CYP7B1: variants seen among roughly 807,000 people sequenced by gnomAD.
CYP7B1 encodes the protein cytochrome P450 family 7 subfamily B member 1.
In CYP7B1, 29 loss-of-function variants were observed where a neutral mutation model predicts 42.7. That is an observed-to-expected ratio of 0.68 (90% CI 0.51 to 0.93). The LOEUF is 0.93. CYP7B1 is among the 40% of genes least tolerant of loss of function. CYP7B1 has a pLI of 0.00. For missense variants in CYP7B1, 655 were observed against 600.5 expected (o/e 1.09, Z -0.95); for synonymous variants, 235 against 218.2 (o/e 1.08, Z -0.68).
chr8:64,620,758 G>A (rs963459379), intron 2 of CYP7B1, among the ~76,000 whole-genome samples: 2 of 152,200 alleles, frequency 1.3e-5, no homozygotes, highest in African/African-American at 4.8e-5. Context: ...TCAAATTCTA[G>A]TAAGAAGCAA....
rs903831888 is a variant in CYP7B1 at position 64,595,345 on chromosome 8, C to T, written c.*1297G>A. 2.6e-5 allele frequency among the ~76,000 whole-genome samples: 4 copies of T among 152,122 alleles called. No individual in the cohort carries two copies. Among genetic ancestry groups the T allele is most frequent in the African/African-American group, 9.7e-5 (4 of 41,432 alleles). ...TAATGTTATTTTTAAAGTCAGTTTC[C>T]TTTTCTCAAAACAGTAGCAGATTTC... is the stretch of plus-strand genomic sequence containing the variant. On this transcript the variant is annotated 3_prime_UTR_variant, in exon 6 of 6. Transcript: ENST00000310193.
At position 64,613,876 on chromosome 8, in the gene CYP7B1, G is replaced by A. The variant is rs970553462; in HGVS notation, c.1057+1150C>T. 5.3e-5 allele frequency among the ~76,000 whole-genome samples: 8 copies of A among 152,248 alleles called. No individual in the cohort carries two copies. In the South Asian group the frequency reaches 1.2e-3, roughly 24 times the overall value. On this transcript the variant is annotated intron_variant, in intron 4 of 5. Transcript: ENST00000310193. Reference sequence around the variant, plus strand: ...GGGCATTTTCCTCAATGGCCACTGAGGGTGAACATTGACCAAACCTGGGAG... The same window carrying A: ...GGGCATTTTCCTCAATGGCCACTGAAGGTGAACATTGACCAAACCTGGGAG...
intron 1 of CYP7B1, among the ~76,000 whole-genome samples, chr8:64,747,205 T>C (rs1450920554): frequency 7.0e-6 from 1 of 143,828 alleles, no homozygotes; most frequent in African/African-American, 2.7e-5. Context: ...TATATATTTA[T>C]ATATTAAATA....
intron 1 of CYP7B1, among the ~76,000 whole-genome samples, chr8:64,725,617 C>T (rs1253351234): frequency 1.3e-5 from 2 of 152,176 alleles, no homozygotes; most frequent in African/African-American, 2.4e-5. Context: ...CTCTCATATA[C>T]ACACATAACT....
At chr8:64,624,084 A>G (rs944769832) in intron 2 of CYP7B1, among the ~76,000 whole-genome samples, 1 of 152,148 alleles carries the variant, frequency 6.6e-6, no homozygotes, top group Non-Finnish European at 1.5e-5. Context: ...TTAATTTAAA[A>G]AATACATTCT....
intron 1 of CYP7B1, among the ~76,000 whole-genome samples, chr8:64,742,652 C>CA (rs1444360029): frequency 1.3e-5 from 2 of 152,132 alleles, no homozygotes; most frequent in Admixed American, 6.5e-5. Flanking sequence ...AAGGTGTCAA[C>CA]AGGGTTGACT....
intron 1 of CYP7B1, among the ~76,000 whole-genome samples, chr8:64,682,597 T>C (rs1415991763): frequency 6.6e-6 from 1 of 152,214 alleles, no homozygotes; most frequent in East Asian, 1.9e-4. Context: ...TGGCTGATGC[T>C]TCTCAGTTCC....
chr8:64,599,600 A>C (rs1303488744), intron 5 of CYP7B1, among the ~76,000 whole-genome samples: 1 of 152,186 alleles, frequency 6.6e-6, no homozygotes, highest in African/African-American at 2.4e-5. Context: ...AAGACACGGA[A>C]GTTCCTCACT....
intron 1 of CYP7B1, among the ~76,000 whole-genome samples, chr8:64,769,840 T>G (rs1005031483): frequency 1.3e-5 from 2 of 152,186 alleles, no homozygotes; most frequent in Admixed American, 6.5e-5. Context: ...CAAAAGTCTA[T>G]TCTTCCTGAA....
chr8:64,672,111 A>C (rs2129631711), intron 1 of CYP7B1, among the ~76,000 whole-genome samples: 1 of 152,256 alleles, frequency 6.6e-6, no homozygotes, highest in South Asian at 2.1e-4. Context: ...GCACTCAATA[A>C]ATTATTTTGA....
intron 4 of CYP7B1, among the ~76,000 whole-genome samples, chr8:64,609,968 A>T (rs893641549): frequency 5.3e-5 from 8 of 152,130 alleles, no homozygotes; most frequent in Non-Finnish European, 7.4e-5. Flanking sequence ...ATGCAATCAG[A>T]ATCTCTAAGG....
intron 1 of CYP7B1, among the ~76,000 whole-genome samples, chr8:64,686,929 A>G (rs2129632123): frequency 8.5e-6 from 1 of 117,476 alleles, no homozygotes; most frequent in African/African-American, 3.4e-5. Context: ...GCTTGAAGGC[A>G]GCATGCTCGT....
chr8:64,646,522 A>G (rs906992675), intron 1 of CYP7B1, among the ~76,000 whole-genome samples: 2 of 152,230 alleles, frequency 1.3e-5, no homozygotes, highest in African/African-American at 4.8e-5. Context: ...ATTAGCCCCT[A>G]AGAAGAGAAT....
intron 1 of CYP7B1, among the ~76,000 whole-genome samples, chr8:64,728,672 C>T (rs762761015): frequency 3.3e-5 from 5 of 152,086 alleles, no homozygotes; most frequent in Non-Finnish European, 7.3e-5. Context: ...ATGTTGGTTG[C>T]TATTATTGTG....
rs34797764 is a variant in CYP7B1, at chr8:64,668,725, C to CAA, written c.123-44188_123-44187dup. The stretch of plus-strand genomic sequence containing the variant: ...CTATTAAACTGAGAAGCATATTGAC[C>CAA]AAAAAAAAAAAAAAAGGTTAAAAAG... On this transcript the variant is annotated intron_variant, in intron 1 of 5. Transcript: ENST00000310193. 2.5e-3 allele frequency among the ~76,000 whole-genome samples: 215 copies of CAA among 86,720 alleles called. 1 individual carries two copies. The highest frequency in any genetic ancestry group is 7.5e-3 in the Middle Eastern group (1 of 134). The allele number at this position is 86,720 out of a possible 152,430, so 56.9% of individuals were successfully genotyped here.
intron 1 of CYP7B1, among the ~76,000 whole-genome samples, chr8:64,710,844 AC>A (rs1365980208): frequency 6.6e-6 from 1 of 151,052 alleles, no homozygotes; most frequent in Non-Finnish European, 1.5e-5. Flanking sequence ...AAAAATAAAT[AC>A]CTTTCAAACT....
In CYP7B1 at chr8:64,744,198, T is replaced by A. The variant is rs543165950; in HGVS notation, c.122+54268A>T. On this transcript the variant is annotated intron_variant, in intron 1 of 5. Transcript: ENST00000310193. ...TGAGTGTTAGAAGAATGAAATATTGTCTGTTTATTAATTTTCTGCATAAAA... is the reference window on the plus strand; with the variant it reads ...TGAGTGTTAGAAGAATGAAATATTGACTGTTTATTAATTTTCTGCATAAAA... Among the ~76,000 whole-genome samples, 17 of 152,282 alleles carry A rather than the reference T, an allele frequency of 1.1e-4. No individual in the cohort carries two copies. In the South Asian group the frequency reaches 3.3e-3, roughly 30 times the overall value.
intron 1 of CYP7B1, among the ~76,000 whole-genome samples, chr8:64,690,812 T>C (rs1277405742): frequency 6.6e-6 from 1 of 152,252 alleles, no homozygotes; most frequent in Non-Finnish European, 1.5e-5. Flanking sequence ...GGGATGTGGA[T>C]ACAAACATCC....
intron 1 of CYP7B1, among the ~76,000 whole-genome samples, chr8:64,626,402 T>C (rs1805611326): frequency 1.3e-5 from 2 of 152,288 alleles, no homozygotes; most frequent in East Asian, 1.9e-4. Context: ...AGATGTCAAT[T>C]AGACTGGAAA....
Sources: gnomAD v4.1 joint callset for allele counts (sites outside exome capture counted in the v4.1 genomes callset) on GRCh38, gnomAD v4.1.1 for gene constraint, MANE v1.5 for transcripts, NCBI Gene and HGNC (gene_info 2026-07-23, HGNC 2026-07-21) for gene names.